Variants in PKP4 observed in about 807,000 individuals in gnomAD.
The protein encoded by PKP4 is plakophilin 4, also known as plakophilin-4.
PKP4 carries 90 observed loss-of-function variants against 145.1 expected under a neutral mutation model. That is an observed-to-expected ratio of 0.62 (90% CI 0.52 to 0.74). The LOEUF is 0.74. Among genes scored for constraint, PKP4 ranks in the 30% least tolerant of loss-of-function variants. The pLI is 0.00. For synonymous variants in PKP4, 563 were observed against 577.2 expected, an observed-to-expected ratio of 0.98 and a Z score of 0.35; for missense variants, 1,340 against 1,482.7, an observed-to-expected ratio of 0.90 and a Z score of 1.58.
chr2:158,478,144 T>G (rs565493183), intron 1 of PKP4, among the ~76,000 whole-genome samples: 6 of 152,146 alleles, frequency 3.9e-5, no homozygotes, highest in Non-Finnish European at 8.8e-5. Context: ...TCATGTTAGC[T>G]ATAAGATGTA....
intron 4 of PKP4, among the ~76,000 whole-genome samples, chr2:158,608,621 A>G (rs879505799): frequency 1.1e-4 from 16 of 152,144 alleles, no homozygotes; most frequent in Middle Eastern, 3.2e-3. Context: ...TTCTAAACAC[A>G]GCAATCACAA....
chr2:158,555,895 T>A (rs1036168297), intron 2 of PKP4, among the ~76,000 whole-genome samples: 27 of 152,214 alleles, frequency 1.8e-4, no homozygotes, highest in African/African-American at 6.5e-4. Flanking sequence ...TAATCTACTC[T>A]GAGACTGAGC....
chr2:158,461,264 T>C (rs547311652), intron 1 of PKP4, among the ~76,000 whole-genome samples: 114 of 152,344 alleles, frequency 7.5e-4, no homozygotes, highest in African/African-American at 2.5e-3. Flanking sequence ...ATGATGGTGA[T>C]CTTCAATTAA....
intron 1 of PKP4, among the ~76,000 whole-genome samples, chr2:158,474,040 G>A (rs1002836734): frequency 2.6e-5 from 4 of 152,096 alleles, no homozygotes; most frequent in African/African-American, 9.7e-5. Context: ...TGTTTACTGG[G>A]TATTTTTTCA....
intron 1 of PKP4, chr2:158,457,574 C>T (rs1688997309): frequency 6.5e-6 from 1 of 152,842 alleles, no homozygotes; most frequent in South Asian, 2.1e-4. Flanking sequence ...GCGCTGAGCC[C>T]TGCTGGACGC....
chr2:158,660,187 T>C (rs1321059696), intron 12 of PKP4: 1 of 152,710 alleles, frequency 6.5e-6, no homozygotes, highest in African/African-American at 2.4e-5. Flanking sequence ...GCTCAGAGTT[T>C]TGACAATGTC....
intron 13 of PKP4, chr2:158,662,440 A>G (rs2056682267): frequency 6.5e-6 from 1 of 154,294 alleles, no homozygotes; most frequent in Non-Finnish European, 1.4e-5. Flanking sequence ...CAGCAGGGAA[A>G]GACACCGCTG....
chr2:158,677,773 C>A (rs970205989), intron 20 of PKP4, among the ~76,000 whole-genome samples: 1 of 152,150 alleles, frequency 6.6e-6, no homozygotes, highest in Non-Finnish European at 1.5e-5. Context: ...AAGCTCTGGG[C>A]AAAAGGAAAT....
intron 1 of PKP4, among the ~76,000 whole-genome samples, chr2:158,511,662 A>G (rs2041531385): frequency 6.6e-6 from 1 of 152,196 alleles, no homozygotes; most frequent in Non-Finnish European, 1.5e-5. Flanking sequence ...TATTTATCAG[A>G]GAGAGAAAGG....
chr2:158,629,291 T>G (rs1308445110), intron 7 of PKP4, among the ~76,000 whole-genome samples: 1 of 152,134 alleles, frequency 6.6e-6, no homozygotes, highest in African/African-American at 2.4e-5. Flanking sequence ...GTGCCGTTGC[T>G]CCATGAGGGA....
At chr2:158,619,172 T>G (rs527536665) in intron 4 of PKP4, among the ~76,000 whole-genome samples, 27 of 152,362 alleles carry the variant, frequency 1.8e-4, no homozygotes, top group African/African-American at 5.1e-4. Context: ...CAAAACTCCT[T>G]TGAGAATTAC....
chr2:158,597,817 A>G (rs1558862754), intron 3 of PKP4, among the ~76,000 whole-genome samples: 1 of 151,918 alleles, frequency 6.6e-6, no homozygotes. Flanking sequence ...ATTTTTGTTT[A>G]TTTTTTTGAA....
At chr2:158,643,900 G>A (rs2054573696) in intron 11 of PKP4, among the ~76,000 whole-genome samples, 1 of 151,860 alleles carries the variant, frequency 6.6e-6, no homozygotes, top group Admixed American at 6.6e-5. Context: ...TGAGTAACTG[G>A]GATTACACAC....
chr2:158,597,786 G>A (rs2049887852), intron 3 of PKP4, among the ~76,000 whole-genome samples: 1 of 152,108 alleles, frequency 6.6e-6, no homozygotes, highest in Non-Finnish European at 1.5e-5. Context: ...ACATGTGTGT[G>A]TAAAATTTCT....
At chr2:158,461,125 A>G (rs1298053665) in intron 1 of PKP4, among the ~76,000 whole-genome samples, 1 of 152,200 alleles carries the variant, frequency 6.6e-6, no homozygotes, top group Admixed American at 6.5e-5. Context: ...ACAGTAATTC[A>G]TGTACTTGCT....
At chr2:158,616,949 C>T (rs2051686269) in intron 4 of PKP4, among the ~76,000 whole-genome samples, 1 of 152,092 alleles carries the variant, frequency 6.6e-6, no homozygotes, top group Non-Finnish European at 1.5e-5. Context: ...TGGGGATGTA[C>T]ATTATAAAAA....
At chr2:158,588,115 T>G (rs2048958821) in intron 3 of PKP4, 1 of 152,178 alleles carries the variant, frequency 6.6e-6, no homozygotes, top group Admixed American at 6.5e-5. Flanking sequence ...ATATTGTAAG[T>G]GAACATTTTT....
chr2:158,602,711 C>A (rs1051787568), intron 3 of PKP4, among the ~76,000 whole-genome samples: 13 of 152,230 alleles, frequency 8.5e-5, no homozygotes, highest in Admixed American at 7.2e-4. Context: ...AACTGTTTAA[C>A]AGCCTTTTTG....
At chr2:158,502,197 A>G (rs1033621129) in intron 1 of PKP4, among the ~76,000 whole-genome samples, 1 of 152,162 alleles carries the variant, frequency 6.6e-6, no homozygotes. Flanking sequence ...CCAAGATGTT[A>G]GTGAGAACAA....
Sources: gnomAD v4.1 joint callset for allele counts (sites outside exome capture counted in the v4.1 genomes callset) on GRCh38, gnomAD v4.1.1 for gene constraint, MANE v1.5 for transcripts, NCBI Gene and HGNC (gene_info 2026-07-23, HGNC 2026-07-21) for gene names.